Variants in GRID2 observed in about 807,000 individuals in gnomAD.
The protein encoded by GRID2 is glutamate receptor ionotropic, delta-2.
A neutral mutation model predicts 114.8 loss-of-function variants in GRID2; 33 were observed. That is an observed-to-expected ratio of 0.29 (90% CI 0.22 to 0.38). The LOEUF (loss-of-function observed/expected upper bound fraction) is 0.38, where lower values mean the gene tolerates loss of function less well. Among genes scored for constraint, GRID2 ranks in the 10% least tolerant of loss-of-function variants. The probability of loss-of-function intolerance (pLI) is 1.00; values close to 1 mark genes in which losing one functional copy is unlikely to be tolerated. For missense variants in GRID2, 1,184 were observed against 1,257.7 expected (o/e 0.94, Z 0.89); for synonymous variants, 505 against 449.9 (o/e 1.12, Z -1.55).
At chr4:92,615,833 C>G (rs1483749942) in intron 2 of GRID2, among the ~76,000 whole-genome samples, 3 of 151,538 alleles carry the variant, frequency 2.0e-5, no homozygotes, top group Non-Finnish European at 4.4e-5. Context: ...GTATCACAGT[C>G]TACTTCAGGT....
chr4:92,316,996 G>C (rs1428137737), intron 1 of GRID2, among the ~76,000 whole-genome samples: 1 of 152,052 alleles, frequency 6.6e-6, no homozygotes, highest in Non-Finnish European at 1.5e-5. Context: ...TCTCATGCAA[G>C]CTTAAGTAAT....
chr4:92,515,003 G>A (rs188124469), intron 1 of GRID2, among the ~76,000 whole-genome samples: 177 of 151,946 alleles, frequency 1.2e-3, no homozygotes, highest in Non-Finnish European at 1.7e-3. Context: ...TCCAGCAGCG[G>A]ATTGGATTAG....
chr4:92,663,374 ATAT>A (rs1732610762), intron 2 of GRID2, among the ~76,000 whole-genome samples: 1 of 151,190 alleles, frequency 6.6e-6, no homozygotes, highest in East Asian at 1.9e-4. Flanking sequence ...GTTAGAGATA[ATAT>A]TGTTTTAAAA....
chr4:92,381,327 G>T (rs907337120), intron 1 of GRID2, among the ~76,000 whole-genome samples: 7 of 151,986 alleles, frequency 4.6e-5, no homozygotes, highest in Admixed American at 2.0e-4. Context: ...TCGATCACTC[G>T]ATCACTTCTA....
At chr4:92,745,605 T>C (rs1256353620) in intron 2 of GRID2, among the ~76,000 whole-genome samples, 1 of 152,168 alleles carries the variant, frequency 6.6e-6, no homozygotes, top group African/African-American at 2.4e-5. Flanking sequence ...ATTCTTGTTA[T>C]GAAACAACTA....
chr4:92,439,562 A>G (rs1332065440), intron 1 of GRID2, among the ~76,000 whole-genome samples: 3 of 150,990 alleles, frequency 2.0e-5, no homozygotes, highest in Admixed American at 6.6e-5. Context: ...CTAGAGTGGG[A>G]GAGATTAAGC....
chr4:93,176,752 T>C (rs1739380536), intron 4 of GRID2, among the ~76,000 whole-genome samples: 1 of 152,218 alleles, frequency 6.6e-6, no homozygotes. Context: ...GTAGACTCTC[T>C]TGACAGAAGT....
chr4:92,891,123 G>A lies in GRID2; in HGVS notation c.245-193872G>A, dbSNP rs372937647. Among the ~76,000 whole-genome samples, 13 of 152,198 alleles carry A rather than the reference G, an allele frequency of 8.5e-5. No individual in the cohort carries two copies. In the South Asian group the frequency reaches 1.5e-3, roughly 17 times the overall value. Reference sequence around the variant, plus strand: ...CACCAGGGGCCTGTTGGGGAGTCGCGGGGGCTAGGGGAGGGATAGCATTAG... The same window carrying A: ...CACCAGGGGCCTGTTGGGGAGTCGCAGGGGCTAGGGGAGGGATAGCATTAG... On this transcript the variant is annotated intron_variant, in intron 2 of 15. Transcript: ENST00000282020.
intron 6 of GRID2, among the ~76,000 whole-genome samples, chr4:93,222,205 A>AT (rs1292982864): frequency 6.6e-6 from 1 of 152,128 alleles, no homozygotes; most frequent in Non-Finnish European, 1.5e-5. Context: ...GGAGGAATTT[A>AT]TTTTTTTGTG....
chr4:92,944,524 G>C (rs1042317111), intron 2 of GRID2, among the ~76,000 whole-genome samples: 2 of 152,194 alleles, frequency 1.3e-5, no homozygotes, highest in Non-Finnish European at 2.9e-5. Flanking sequence ...ACACTTCCCG[G>C]TTGAGGCGAT....
chr4:93,227,920 A>G (rs2149496361), intron 7 of GRID2, among the ~76,000 whole-genome samples: 1 of 152,300 alleles, frequency 6.6e-6, no homozygotes, highest in East Asian at 1.9e-4. Flanking sequence ...AACAAATTAA[A>G]TAAACTCTTA....
intron 8 of GRID2, among the ~76,000 whole-genome samples, chr4:93,257,441 A>AT (rs1264074238): frequency 6.6e-6 from 1 of 151,686 alleles, no homozygotes; most frequent in Non-Finnish European, 1.5e-5. Flanking sequence ...ACAGATAGTG[A>AT]TTTTTTAAAG....
At chr4:93,185,351 C>A (rs1740303676) in intron 4 of GRID2, among the ~76,000 whole-genome samples, 1 of 152,040 alleles carries the variant, frequency 6.6e-6, no homozygotes, top group African/African-American at 2.4e-5. Flanking sequence ...TTTATTTACC[C>A]TGGGAATGTC....
intron 1 of GRID2, among the ~76,000 whole-genome samples, chr4:92,490,830 C>A (rs1003884592): frequency 6.6e-6 from 1 of 152,040 alleles, no homozygotes; most frequent in Non-Finnish European, 1.5e-5. Flanking sequence ...TTAAGAAAAA[C>A]CAGAAGAAAC....
At chr4:92,335,168 G>A (rs190738714) in intron 1 of GRID2, among the ~76,000 whole-genome samples, 1 of 152,240 alleles carries the variant, frequency 6.6e-6, no homozygotes, top group Non-Finnish European at 1.5e-5. Flanking sequence ...TATGTTTAAA[G>A]TTTTAACTTC....
chr4:92,647,356 G>A (rs1185649088), intron 2 of GRID2, among the ~76,000 whole-genome samples: 1 of 114,002 alleles, frequency 8.8e-6, no homozygotes, highest in Non-Finnish European at 2.0e-5. Flanking sequence ...TGAACAAAGA[G>A]AAAACAATAA....
chr4:92,921,257 T>G (rs1177003559), intron 2 of GRID2, among the ~76,000 whole-genome samples: 1 of 152,146 alleles, frequency 6.6e-6, no homozygotes, highest in African/African-American at 2.4e-5. Flanking sequence ...TGTTTAAGTT[T>G]TTTTTAAGGT....
intron 2 of GRID2, among the ~76,000 whole-genome samples, chr4:92,785,797 T>C (rs758012183): frequency 5.9e-5 from 9 of 151,830 alleles, no homozygotes; most frequent in Non-Finnish European, 1.3e-4. Flanking sequence ...GAAACAGTAG[T>C]TAACAAAGAT....
intron 14 of GRID2, among the ~76,000 whole-genome samples, chr4:93,655,745 A>T (rs1722942095): frequency 6.6e-6 from 1 of 151,982 alleles, no homozygotes; most frequent in South Asian, 2.1e-4. Flanking sequence ...TAAATCCCTC[A>T]TTGTCTCACC....
Sources: allele counts gnomAD v4.1 joint callset (sites outside exome capture counted in the v4.1 genomes callset), GRCh38; gene constraint gnomAD v4.1.1; transcripts MANE v1.5; gene names NCBI Gene and HGNC (gene_info 2026-07-23, HGNC 2026-07-21).